MAGI2: variants seen among roughly 807,000 people sequenced by gnomAD.
MAGI2 encodes membrane-associated guanylate kinase, WW and PDZ domain-containing protein 2.
Under a neutral mutation model 133.3 loss-of-function variants are expected in MAGI2, and 35 were observed. The observed-to-expected ratio is 0.26, with a 90% CI of 0.20 to 0.35. MAGI2 has a LOEUF of 0.35. MAGI2 is among the 10% of genes least tolerant of loss of function. The probability of loss-of-function intolerance (pLI) is 1.00; values close to 1 mark genes in which losing one functional copy is unlikely to be tolerated. For synonymous variants in MAGI2, 729 were observed against 710.6 expected, an observed-to-expected ratio of 1.03 and a Z score of -0.41; for missense variants, 1,636 against 1,863.4, an observed-to-expected ratio of 0.88 and a Z score of 2.25.
intron 2 of MAGI2, among the ~76,000 whole-genome samples, chr7:78,996,907 G>C (rs1032702962): frequency 1.1e-4 from 16 of 152,150 alleles, no homozygotes; most frequent in African/African-American, 3.9e-4. Context: ...TGTTCAAAAA[G>C]TAACTCAGAG....
At chr7:78,226,006 C>G (rs11760667) in intron 10 of MAGI2, among the ~76,000 whole-genome samples, 47,239 of 151,922 alleles carry the variant, frequency 0.31, 8,610 homozygotes, top group Non-Finnish European at 0.4. Context: ...TAAAAAAATT[C>G]AAATCCAAAA....
chr7:78,625,331 T>G (rs1403121279), intron 3 of MAGI2, among the ~76,000 whole-genome samples: 1 of 151,808 alleles, frequency 6.6e-6, no homozygotes, highest in Non-Finnish European at 1.5e-5. Flanking sequence ...GTATAGTAAT[T>G]ATAAAATTAA....
chr7:79,135,971 GA>G (rs769908577), intron 1 of MAGI2, among the ~76,000 whole-genome samples: 1 of 28,282 alleles, frequency 3.5e-5, no homozygotes, highest in Non-Finnish European at 1.9e-4. Context: ...AAGAAAGAAA[GA>G]AAGAAAGAAA....
intron 3 of MAGI2, among the ~76,000 whole-genome samples, chr7:78,573,257 AATAT>A (rs1554481533): frequency 5.9e-4 from 13 of 21,960 alleles, no homozygotes; most frequent in African/African-American, 2.1e-3. Context: ...AATATATATA[AATAT>A]AAATATATAT....
intron 2 of MAGI2, among the ~76,000 whole-genome samples, chr7:78,834,276 G>T (rs1026265846): frequency 6.6e-6 from 1 of 152,062 alleles, no homozygotes; most frequent in Non-Finnish European, 1.5e-5. Flanking sequence ...ACAAGTTTGG[G>T]TTACCATAAC....
chr7:78,243,680 T>C (rs993984756), intron 10 of MAGI2, among the ~76,000 whole-genome samples: 1 of 152,170 alleles, frequency 6.6e-6, no homozygotes, highest in Non-Finnish European at 1.5e-5. Flanking sequence ...TAAGAGAATA[T>C]ACTGATCTAG....
intron 1 of MAGI2, among the ~76,000 whole-genome samples, chr7:79,289,551 A>G (rs1836295464): frequency 6.6e-6 from 1 of 152,170 alleles, no homozygotes; most frequent in African/African-American, 2.4e-5. Flanking sequence ...TAGTAATATA[A>G]CAAATAACAG....
chr7:78,664,565 T>A (rs1813334659), intron 2 of MAGI2, among the ~76,000 whole-genome samples: 1 of 152,000 alleles, frequency 6.6e-6, no homozygotes, highest in African/African-American at 2.4e-5. Flanking sequence ...TTTGAATAAT[T>A]TTCTTGGTAT....
chr7:79,252,505 A>C (rs989071620), intron 1 of MAGI2, among the ~76,000 whole-genome samples: 15 of 152,212 alleles, frequency 9.9e-5, no homozygotes, highest in Admixed American at 2.6e-4. Context: ...ACAAAAATAT[A>C]ATTAGATAGA....
intron 2 of MAGI2, among the ~76,000 whole-genome samples, chr7:78,725,524 C>G (rs2151210695): frequency 6.6e-6 from 1 of 152,328 alleles, no homozygotes. Context: ...CTAGGCCAGG[C>G]ACGGTGGCTC....
intron 1 of MAGI2, among the ~76,000 whole-genome samples, chr7:79,322,675 A>G (rs1368785196): frequency 6.6e-6 from 1 of 151,716 alleles, no homozygotes; most frequent in Non-Finnish European, 1.5e-5. Flanking sequence ...AGTCCCAGCT[A>G]CTCAGCAGAC....
intron 2 of MAGI2, among the ~76,000 whole-genome samples, chr7:78,908,155 T>C (rs1387300474): frequency 6.6e-6 from 1 of 152,044 alleles, no homozygotes; most frequent in Non-Finnish European, 1.5e-5. Context: ...GAAGTTGGAG[T>C]AGAATGCTAT....
intron 2 of MAGI2, among the ~76,000 whole-genome samples, chr7:78,645,671 A>G (rs1048250142): frequency 1.4e-4 from 19 of 131,354 alleles, no homozygotes; most frequent in East Asian, 4.3e-4. Flanking sequence ...GTGTGTGTGT[A>G]TACCATTTAC....
At chr7:79,333,600 A>G (rs1037963529) in intron 1 of MAGI2, among the ~76,000 whole-genome samples, 9 of 152,212 alleles carry the variant, frequency 5.9e-5, no homozygotes, top group African/African-American at 2.2e-4. Context: ...TTTGTTGGGT[A>G]TTCAATTCAA....
rs10691115 is a variant in MAGI2, at chr7:78,558,837, GTTT to G, written c.539-37195_539-37193del. Among the ~76,000 whole-genome samples, 549 of 130,006 alleles carry G rather than the reference GTTT, an allele frequency of 4.2e-3. 1 individual carries two copies. Among genetic ancestry groups the G allele is most frequent in the South Asian group, 7.1e-3 (29 of 4,066 alleles). 85.3% of individuals were successfully genotyped at this position (130,006 alleles called of 152,430 possible). On this transcript the variant is annotated intron_variant, in intron 3 of 21. Transcript: ENST00000354212. ...CTAACAATGGATCCTTTGAGACACC[GTTT>G]TTTTTTTTTTTTTTTTCTTGCAAAG... is the stretch of plus-strand genomic sequence containing the variant.
At chr7:79,171,770 A>ATATTTTTTTTTTTTTTTTT in intron 1 of MAGI2, among the ~76,000 whole-genome samples, 3 of 31,204 alleles carry the variant, frequency 9.6e-5, no homozygotes, top group South Asian at 1.6e-3. Context: ...ATATATATAT[A>ATATTTTTTTTTTTTTTTTT]TTTTTTTTTT....
chr7:78,414,114 C>T (rs1285303685), intron 6 of MAGI2, among the ~76,000 whole-genome samples: 2 of 152,040 alleles, frequency 1.3e-5, no homozygotes, highest in Non-Finnish European at 2.9e-5. Context: ...CTTCTGAAGG[C>T]AGTTGATGTA....
chr7:79,287,130 T>A (rs576447961), intron 1 of MAGI2, among the ~76,000 whole-genome samples: 1 of 152,170 alleles, frequency 6.6e-6, no homozygotes, highest in East Asian at 1.9e-4. Context: ...ACTAGCAGCA[T>A]CAGCATCACC....
intron 20 of MAGI2, among the ~76,000 whole-genome samples, chr7:78,109,324 A>AG (rs1819092157): frequency 7.4e-6 from 1 of 135,042 alleles, no homozygotes; most frequent in Non-Finnish European, 1.5e-5. Flanking sequence ...AAAAAAAAAA[A>AG]AAAAAAAAAA....
Sources: allele counts gnomAD v4.1 joint callset (sites outside exome capture counted in the v4.1 genomes callset), GRCh38; gene constraint gnomAD v4.1.1; transcripts MANE v1.5; gene names NCBI Gene and HGNC (gene_info 2026-07-23, HGNC 2026-07-21).